TGFA: variants seen among roughly 807,000 people sequenced by gnomAD.
TGFA encodes the protein transforming growth factor alpha, also known as protransforming growth factor alpha.
In TGFA, 12 loss-of-function variants were observed where a neutral mutation model predicts 21.7. The ratio of observed to expected loss-of-function variants is 0.55; its 90% CI spans 0.35 to 0.90. TGFA has a LOEUF of 0.90. Among genes scored for constraint, TGFA ranks in the 40% least tolerant of loss-of-function variants. The probability of loss-of-function intolerance (pLI) is 0.01; values close to 1 mark genes in which losing one functional copy is unlikely to be tolerated. For synonymous variants in TGFA, 79 were observed against 88.1 expected, an observed-to-expected ratio of 0.90 and a Z score of 0.58; for missense variants, 178 against 210.8, an observed-to-expected ratio of 0.84 and a Z score of 0.96.
At chr2:70,488,430 G>A (rs558479533) in intron 2 of TGFA, among the ~76,000 whole-genome samples, 1 of 152,116 alleles carries the variant, frequency 6.6e-6, no homozygotes, top group East Asian at 1.9e-4. Context: ...AACTCCATTT[G>A]TTGAACAGTT....
intron 1 of TGFA, among the ~76,000 whole-genome samples, chr2:70,552,566 C>T (rs1435604132): frequency 3.3e-5 from 5 of 152,188 alleles, no homozygotes; most frequent in Non-Finnish European, 7.3e-5. Flanking sequence ...TGGGAGCATC[C>T]GGTTCCAAGA....
intron 5 of TGFA, 135 bp downstream of exon 5, chr2:70,453,083 C>T (rs897805692): frequency 1.0e-5 from 8 of 785,648 alleles, no homozygotes; most frequent in Non-Finnish European, 1.6e-5. Context: ...CTAAACCTGA[C>T]TTGGTAGAAT....
chr2:70,496,217 TTTTA>T (rs1671575121), intron 2 of TGFA, among the ~76,000 whole-genome samples: 1 of 152,122 alleles, frequency 6.6e-6, no homozygotes, highest in African/African-American at 2.4e-5. Flanking sequence ...CATAAATTAT[TTTTA>T]TTGTTTTTTA....
intron 2 of TGFA, chr2:70,468,430 C>T (rs3771515): frequency 0.13 from 19,739 of 152,190 alleles, 1,516 homozygotes; most frequent in Admixed American, 0.26. Flanking sequence ...TAACAGTAGA[C>T]GCTGGATGCT....
chr2:70,456,181 G>A (rs553311529), intron 4 of TGFA, among the ~76,000 whole-genome samples, 158 bp downstream of exon 4: 2 of 152,254 alleles, frequency 1.3e-5, no homozygotes, highest in Non-Finnish European at 2.9e-5. Flanking sequence ...GCCACGCCAT[G>A]CCAACAGTCA....
At chr2:70,475,626 A>G (rs1245417176) in intron 2 of TGFA, among the ~76,000 whole-genome samples, 1 of 152,162 alleles carries the variant, frequency 6.6e-6, no homozygotes, top group Non-Finnish European at 1.5e-5. Flanking sequence ...ATCAGGAATT[A>G]CCAGGAAAAT....
intron 1 of TGFA, among the ~76,000 whole-genome samples, chr2:70,545,058 A>G (rs1253549985): frequency 6.6e-6 from 1 of 152,216 alleles, no homozygotes; most frequent in Non-Finnish European, 1.5e-5. Flanking sequence ...GCTTGAGGTC[A>G]CAGATGCTCC....
At chr2:70,510,817 T>A (rs1222502192) in intron 2 of TGFA, among the ~76,000 whole-genome samples, 2 of 152,126 alleles carry the variant, frequency 1.3e-5, no homozygotes, top group East Asian at 3.9e-4. Context: ...GGTCAAGTTA[T>A]AAGAACACAG....
intron 3 of TGFA, among the ~76,000 whole-genome samples, chr2:70,461,181 G>A (rs1670394899): frequency 6.6e-6 from 1 of 152,178 alleles, no homozygotes; most frequent in Admixed American, 6.5e-5. Context: ...CGGTCTGCCT[G>A]ACCTCCCATC....
Position 70,533,835 on chromosome 2 carries a change from G to T in TGFA, c.41-18923C>A, listed in dbSNP as rs979220577. 1.6e-4 allele frequency among the ~76,000 whole-genome samples: 24 copies of T among 152,014 alleles called. 2 individuals carry two copies. Among genetic ancestry groups the T allele is most frequent in the Admixed American group, 1.4e-3 (22 of 15,258 alleles). On this transcript the variant is annotated intron_variant, in intron 1 of 5. Coordinates refer to ENST00000295400, the MANE Select transcript of TGFA (RefSeq NM_003236.4). ...AACTCTCCTAAAGGAAGACCATAAG[G>T]TCCTTTAAATAAGAGACAGATGTTT... is the stretch of plus-strand genomic sequence containing the variant.
intron 4 of TGFA, among the ~76,000 whole-genome samples, chr2:70,453,910 G>T (rs566271062): frequency 3.3e-5 from 5 of 152,116 alleles, no homozygotes; most frequent in East Asian, 3.9e-4. Flanking sequence ...TACCCTCTCT[G>T]TAAACCTGTG....
At chr2:70,476,811 G>T (rs751364990) in intron 2 of TGFA, among the ~76,000 whole-genome samples, 6 of 152,188 alleles carry the variant, frequency 3.9e-5, no homozygotes, top group Non-Finnish European at 8.8e-5. Flanking sequence ...TAAAAACATA[G>T]AAGTGAATTT....
chr2:70,511,270 T>C (rs1224726531), intron 2 of TGFA, among the ~76,000 whole-genome samples: 2 of 152,216 alleles, frequency 1.3e-5, no homozygotes, highest in Non-Finnish European at 2.9e-5. Flanking sequence ...TAGCTTTTGT[T>C]CTAAAATTAC....
chr2:70,472,527 G>C (rs147299637), intron 2 of TGFA, among the ~76,000 whole-genome samples: 10 of 152,190 alleles, frequency 6.6e-5, no homozygotes, highest in African/African-American at 2.2e-4. Flanking sequence ...TACAGGAAGA[G>C]GGTCTGGAAT....
chr2:70,459,190 C>T (rs1307000985), intron 3 of TGFA, among the ~76,000 whole-genome samples: 3 of 152,168 alleles, frequency 2.0e-5, no homozygotes, highest in Admixed American at 1.3e-4. Context: ...TATTATTTGG[C>T]ACTAAAAACA....
chr2:70,468,047 G>A (rs1009791595), intron 2 of TGFA, among the ~76,000 whole-genome samples: 10 of 152,168 alleles, frequency 6.6e-5, no homozygotes, highest in Admixed American at 5.2e-4. Context: ...GGTAATGCTT[G>A]TTAAGTTCTG....
intron 3 of TGFA, among the ~76,000 whole-genome samples, chr2:70,460,003 T>G (rs1670363711): frequency 6.6e-6 from 1 of 152,176 alleles, no homozygotes; most frequent in African/African-American, 2.4e-5. Context: ...TCACCTACAG[T>G]TGGGACCTCC....
chr2:70,496,054 C>T (rs1285800908), intron 2 of TGFA, among the ~76,000 whole-genome samples: 6 of 152,120 alleles, frequency 3.9e-5, no homozygotes, highest in African/African-American at 1.4e-4. Flanking sequence ...ACTGAGGAGC[C>T]TGGCTGCCGT....
At chr2:70,505,719 C>T (rs535580619) in intron 2 of TGFA, among the ~76,000 whole-genome samples, 7 of 152,256 alleles carry the variant, frequency 4.6e-5, no homozygotes, top group African/African-American at 1.4e-4. Flanking sequence ...TTTGAGCCCC[C>T]ACTACATTGT....
Sources: gnomAD v4.1 joint callset for allele counts (sites outside exome capture counted in the v4.1 genomes callset) on GRCh38, gnomAD v4.1.1 for gene constraint, MANE v1.5 for transcripts, NCBI Gene and HGNC (gene_info 2026-07-23, HGNC 2026-07-21) for gene names.